The following PDE3B variants were observed in gnomAD, a reference collection of about 807,000 sequenced individuals.
PDE3B encodes cGMP-inhibited 3',5'-cyclic phosphodiesterase 3B.
Under a neutral mutation model 116.8 loss-of-function variants are expected in PDE3B, and 66 were observed. That is an observed-to-expected ratio of 0.56 (90% CI 0.46 to 0.69). The LOEUF is 0.69. Ranked by LOEUF, PDE3B falls within the 30% of genes least tolerant of loss-of-function variation. The pLI, the probability that PDE3B is intolerant of heterozygous loss-of-function variation, is 0.00. For missense variants in PDE3B, 1,384 were observed against 1,368.1 expected (o/e 1.01, Z -0.18); for synonymous variants, 595 against 533.6 (o/e 1.12, Z -1.59).
chr11:14,748,509 T>A (rs1856974485), intron 1 of PDE3B, among the ~76,000 whole-genome samples: 1 of 152,340 alleles, frequency 6.6e-6, no homozygotes, highest in Non-Finnish European at 1.5e-5. Context: ...TTCATTTTTG[T>A]GAAATACATA....
At chr11:14,885,467 G>A in the PDE3B span, among the ~76,000 whole-genome samples, 5 of 152,068 alleles carry the variant, frequency 3.3e-5, no homozygotes, top group South Asian at 2.1e-4. Context: ...AGGGCACTTC[G>A]GATTCAAGTG....
intron 1 of PDE3B, among the ~76,000 whole-genome samples, chr11:14,653,159 A>G (rs1453463648): frequency 6.6e-6 from 1 of 152,072 alleles, no homozygotes; most frequent in Non-Finnish European, 1.5e-5. Flanking sequence ...GTTTGTTCTA[A>G]TGGTTTTTTT....
intron 1 of PDE3B, among the ~76,000 whole-genome samples, chr11:14,765,671 T>A (rs1288443905): frequency 1.3e-5 from 2 of 151,586 alleles, no homozygotes; most frequent in African/African-American, 4.8e-5. Flanking sequence ...AAGAGGTAAA[T>A]ATAATAATGG....
At position 14,871,076 on chromosome 11, in the gene PDE3B, A is replaced by G. The variant is rs999702645; in HGVS notation, c.*1416A>G. 8 of 152,336 alleles carry G rather than the reference A, an allele frequency of 5.3e-5. No individual in the cohort carries two copies. Among genetic ancestry groups the G allele is most frequent in the Non-Finnish European group, 8.8e-5 (6 of 68,012 alleles). 9.4% of individuals were successfully genotyped at this position (152,336 alleles called of 1,614,324 possible). ...ATTTTGGAATCATGCAATTTTGCAC[A>G]CAGTGAAACCATTAATTTTCCAAGG... On this transcript the variant is annotated 3_prime_UTR_variant, in exon 16 of 16. Transcript: ENST00000282096.
At chr11:14,672,802 G>A (rs1315986239) in intron 1 of PDE3B, among the ~76,000 whole-genome samples, 1 of 152,000 alleles carries the variant, frequency 6.6e-6, no homozygotes, top group Non-Finnish European at 1.5e-5. Flanking sequence ...TGAGGTGAAA[G>A]TTGCATGTAT....
At chr11:14,683,290 G>T (rs1356143672) in intron 1 of PDE3B, among the ~76,000 whole-genome samples, 1 of 151,854 alleles carries the variant, frequency 6.6e-6, no homozygotes, top group Non-Finnish European at 1.5e-5. Flanking sequence ...AACCATCTGG[G>T]TCTCAATTTT....
intron 1 of PDE3B, among the ~76,000 whole-genome samples, chr11:14,770,997 A>G (rs1365883487): frequency 6.6e-6 from 1 of 151,724 alleles, no homozygotes; most frequent in Non-Finnish European, 1.5e-5. Flanking sequence ...AGAATATGCC[A>G]TAGAGACCTT....
the PDE3B span, chr11:14,892,144 A>C: frequency 1.2e-6 from 2 of 1,611,150 alleles, no homozygotes; most frequent in South Asian, 1.1e-5. Context: ...CGCGAAGAGC[A>C]GCAGGAAGAG....
At chr11:14,898,440 A>T in the PDE3B span, among the ~76,000 whole-genome samples, 2 of 152,116 alleles carry the variant, frequency 1.3e-5, no homozygotes, top group Non-Finnish European at 2.9e-5. Context: ...ACAATGACAC[A>T]TCCTTGTACC....
chr11:14,800,602 T>C (rs183510336), intron 4 of PDE3B, among the ~76,000 whole-genome samples: 3 of 152,330 alleles, frequency 2.0e-5, no homozygotes, highest in African/African-American at 4.8e-5. Context: ...TTTCCTTCAT[T>C]TCAACTTCGG....
chr11:14,873,470 A>G (rs1565174038), downstream of PDE3B, among the ~76,000 whole-genome samples: 2 of 152,208 alleles, frequency 1.3e-5, no homozygotes, highest in South Asian at 2.1e-4. Flanking sequence ...TAAGATAGAT[A>G]GAGTTGGTAT....
chr11:14,743,699 AG>A (rs756333972), intron 1 of PDE3B, among the ~76,000 whole-genome samples: 4 of 152,218 alleles, frequency 2.6e-5, no homozygotes, highest in Non-Finnish European at 5.9e-5. Context: ...CGTAGGTACC[AG>A]AGGGATTTTC....
chr11:14,898,437 C>T, the PDE3B span, among the ~76,000 whole-genome samples: 2 of 152,168 alleles, frequency 1.3e-5, no homozygotes, highest in South Asian at 4.1e-4. Context: ...ACCACAATGA[C>T]ACATCCTTGT....
chr11:14,894,717 A>C, the PDE3B span, among the ~76,000 whole-genome samples: 4 of 152,150 alleles, frequency 2.6e-5, no homozygotes, highest in Non-Finnish European at 5.9e-5. Flanking sequence ...AGGAATAACT[A>C]TAAGTCTTTC....
chr11:14,881,335 T>G, the PDE3B span, among the ~76,000 whole-genome samples: 1 of 152,062 alleles, frequency 6.6e-6, no homozygotes, highest in Non-Finnish European at 1.5e-5. Context: ...AACATGAAGC[T>G]CAAACTTTTC....
At chr11:14,657,812 T>C (rs1853760203) in intron 1 of PDE3B, among the ~76,000 whole-genome samples, 1 of 152,204 alleles carries the variant, frequency 6.6e-6, no homozygotes, top group African/African-American at 2.4e-5. Context: ...AATATTGTAG[T>C]GTTTGAGAGG....
chr11:14,884,458 C>T, the PDE3B span, among the ~76,000 whole-genome samples: 1 of 146,264 alleles, frequency 6.8e-6, no homozygotes, highest in Non-Finnish European at 1.5e-5. Flanking sequence ...CGCATATTCT[C>T]ACTCATAGGT....
intron 1 of PDE3B, among the ~76,000 whole-genome samples, chr11:14,761,815 CTG>C (rs1210827532): frequency 6.6e-6 from 1 of 152,056 alleles, no homozygotes; most frequent in Non-Finnish European, 1.5e-5. Flanking sequence ...CTGCTGGAAA[CTG>C]GACTAATTTC....
At chr11:14,857,167 T>C (rs1847867086) in intron 12 of PDE3B, among the ~76,000 whole-genome samples, 1 of 152,224 alleles carries the variant, frequency 6.6e-6, no homozygotes, top group Non-Finnish European at 1.5e-5. Context: ...GTATTTGCTG[T>C]AGAGAGAAGG....
Sources: gnomAD v4.1 joint callset for allele counts (sites outside exome capture counted in the v4.1 genomes callset) on GRCh38, gnomAD v4.1.1 for gene constraint, MANE v1.5 for transcripts, NCBI Gene and HGNC (gene_info 2026-07-23, HGNC 2026-07-21) for gene names.